The following ATRNL1 variants were observed in gnomAD, a reference collection of about 807,000 sequenced individuals.
ATRNL1 encodes attractin like 1, also known as attractin-like protein 1.
Under a neutral mutation model 182.7 loss-of-function variants are expected in ATRNL1, and 95 were observed. The observed-to-expected ratio is 0.52, with a 90% CI of 0.44 to 0.62. The LOEUF (loss-of-function observed/expected upper bound fraction) is 0.62. ATRNL1 is among the 20% of genes least tolerant of loss of function. The pLI is 0.00. For missense variants in ATRNL1, 1,471 were observed against 1,679.5 expected (o/e 0.88, Z 2.17); for synonymous variants, 576 against 568.3 (o/e 1.01, Z -0.19).
intron 26 of ATRNL1, among the ~76,000 whole-genome samples, chr10:115,568,503 C>A (rs1184036585): frequency 6.6e-6 from 1 of 151,846 alleles, no homozygotes; most frequent in Non-Finnish European, 1.5e-5. Flanking sequence ...CATATATATT[C>A]ATGTCTACAT....
At chr10:115,850,957 C>T (rs1555100329) in intron 28 of ATRNL1, among the ~76,000 whole-genome samples, 1 of 152,094 alleles carries the variant, frequency 6.6e-6, no homozygotes, top group African/African-American at 2.4e-5. Flanking sequence ...GGGGTCTTCT[C>T]TTGGCTATTG....
At chr10:115,603,639 T>C (rs2133948501) in intron 26 of ATRNL1, among the ~76,000 whole-genome samples, 1 of 152,316 alleles carries the variant, frequency 6.6e-6, no homozygotes, top group Non-Finnish European at 1.5e-5. Flanking sequence ...ACATTTAACT[T>C]ATACATATTT....
At chr10:115,254,872 G>A (rs1429543839) in intron 10 of ATRNL1, among the ~76,000 whole-genome samples, 2 of 152,068 alleles carry the variant, frequency 1.3e-5, no homozygotes, top group Non-Finnish European at 2.9e-5. Flanking sequence ...AGTTTTCCCA[G>A]CACCATTTAT....
At chr10:115,527,625 A>T (rs919181925) in intron 25 of ATRNL1, among the ~76,000 whole-genome samples, 8 of 151,922 alleles carry the variant, frequency 5.3e-5, no homozygotes, top group African/African-American at 1.9e-4. Flanking sequence ...TTTTTTCCTG[A>T]CCTAGTTGGT....
intron 19 of ATRNL1, among the ~76,000 whole-genome samples, chr10:115,366,707 AG>A (rs1187588999): frequency 6.6e-6 from 1 of 151,678 alleles, no homozygotes; most frequent in Non-Finnish European, 1.5e-5. Context: ...CTTTTAGGGC[AG>A]GCCTGGTGGT....
At chr10:115,345,943 G>T (rs1291780406) in intron 19 of ATRNL1, among the ~76,000 whole-genome samples, 1 of 152,004 alleles carries the variant, frequency 6.6e-6, no homozygotes, top group East Asian at 1.9e-4. Context: ...CCTTTTTACA[G>T]CTAAATAATA....
At chr10:115,109,822 C>T (rs1554867376) in intron 1 of ATRNL1, among the ~76,000 whole-genome samples, 1 of 152,162 alleles carries the variant, frequency 6.6e-6, no homozygotes, top group Admixed American at 6.5e-5. Flanking sequence ...CAGAGCTTTA[C>T]TGAGTTACAA....
chr10:115,515,128 G>A (rs564191857), intron 24 of ATRNL1, among the ~76,000 whole-genome samples: 4 of 151,890 alleles, frequency 2.6e-5, no homozygotes, highest in African/African-American at 9.6e-5. Flanking sequence ...CCTTATTCAA[G>A]TTGGCCTGGC....
intron 20 of ATRNL1, among the ~76,000 whole-genome samples, chr10:115,417,306 C>G (rs1845437007): frequency 6.6e-6 from 1 of 152,144 alleles, no homozygotes; most frequent in South Asian, 2.1e-4. Context: ...TGGCTCGACT[C>G]CAGCCCTCTA....
At chr10:115,854,623 G>A (rs1235077908) in intron 28 of ATRNL1, among the ~76,000 whole-genome samples, 1 of 152,178 alleles carries the variant, frequency 6.6e-6, no homozygotes, top group Non-Finnish European at 1.5e-5. Context: ...CAGATGTAAA[G>A]TGAGCCGTCC....
chr10:115,101,245 A>G (rs1006674764), intron 1 of ATRNL1, among the ~76,000 whole-genome samples: 4 of 151,948 alleles, frequency 2.6e-5, no homozygotes, highest in Admixed American at 2.6e-4. Flanking sequence ...CCTCTATTAC[A>G]GTAATGAATA....
chr10:115,532,829 G>T (rs534717046), intron 25 of ATRNL1, among the ~76,000 whole-genome samples: 6 of 152,182 alleles, frequency 3.9e-5, no homozygotes, highest in East Asian at 1.9e-4. Flanking sequence ...AGAGTTTTTA[G>T]CATGAAGGGT....
At chr10:115,625,034 T>A (rs1858001095) in intron 26 of ATRNL1, among the ~76,000 whole-genome samples, 1 of 152,098 alleles carries the variant, frequency 6.6e-6, no homozygotes, top group Admixed American at 6.6e-5. Flanking sequence ...GGATACTTTG[T>A]GGAAGGGAGG....
At chr10:115,153,696 G>T (rs1554881311) in intron 5 of ATRNL1, among the ~76,000 whole-genome samples, 3 of 151,564 alleles carry the variant, frequency 2.0e-5, no homozygotes, top group Non-Finnish European at 4.4e-5. Flanking sequence ...TTTTTTGAAG[G>T]GTTTTTTGTG....
intron 27 of ATRNL1, among the ~76,000 whole-genome samples, chr10:115,731,280 CA>C (rs1947790431): frequency 6.6e-6 from 1 of 152,108 alleles, no homozygotes; most frequent in Non-Finnish European, 1.5e-5. Context: ...CCAATCTATC[CA>C]GGACAATGTG....
chr10:115,255,462 G>C (rs1291456126), intron 10 of ATRNL1, among the ~76,000 whole-genome samples: 1 of 152,162 alleles, frequency 6.6e-6, no homozygotes, highest in Non-Finnish European at 1.5e-5. Flanking sequence ...GTATAGGAAT[G>C]TTTGTGATTT....
intron 24 of ATRNL1, among the ~76,000 whole-genome samples, chr10:115,515,079 A>C (rs1368816025): frequency 6.6e-6 from 1 of 151,824 alleles, no homozygotes; most frequent in East Asian, 1.9e-4. Flanking sequence ...CAACTAACCT[A>C]GTCTTGTATT....
At chr10:115,880,007 G>A (rs1368347034) in intron 28 of ATRNL1, among the ~76,000 whole-genome samples, 2 of 152,216 alleles carry the variant, frequency 1.3e-5, no homozygotes, top group African/African-American at 4.8e-5. Flanking sequence ...ACACAGCAGA[G>A]ATGATGCCAA....
At chr10:115,321,868 A>G (rs1479605323) in intron 18 of ATRNL1, among the ~76,000 whole-genome samples, 2 of 152,110 alleles carry the variant, frequency 1.3e-5, no homozygotes, top group Admixed American at 6.6e-5. Flanking sequence ...AGAAAAGCAT[A>G]AAGATTCTAT....
Sources: gnomAD v4.1 joint callset for allele counts (sites outside exome capture counted in the v4.1 genomes callset) on GRCh38, gnomAD v4.1.1 for gene constraint, MANE v1.5 for transcripts, NCBI Gene and HGNC (gene_info 2026-07-23, HGNC 2026-07-21) for gene names.